TCTN3: variants seen among roughly 807,000 people sequenced by gnomAD.
TCTN3 encodes the protein tectonic family member 3, also known as tectonic-3.
TCTN3 carries 57 observed loss-of-function variants against 71.3 expected under a neutral mutation model. The observed-to-expected ratio is 0.80, with a 90% CI of 0.65 to 1.00. TCTN3 has a LOEUF of 1.00. Among genes scored for constraint, TCTN3 ranks in the 50% least tolerant of loss-of-function variants. The pLI is 0.00. For synonymous variants in TCTN3, 258 were observed against 267.8 expected (o/e 0.96, Z 0.36); for missense variants, 696 against 719.9 (o/e 0.97, Z 0.38).
chr10:95,673,456 A>C (rs2097933717), intron 13 of TCTN3, among the ~76,000 whole-genome samples: 1 of 152,208 alleles, frequency 6.6e-6, no homozygotes, highest in African/African-American at 2.4e-5. Flanking sequence ...AAATTTCAAT[A>C]GTTTTTGAGG....
intron 8 of TCTN3, 79 bp from the exon 9 acceptor site, chr10:95,684,703 A>C: frequency 6.6e-7 from 1 of 1,524,256 alleles, no homozygotes; most frequent in Non-Finnish European, 8.9e-7. Flanking sequence ...TTCTGTCTTC[A>C]AGGGTGTTAT....
At chr10:95,676,254 C>CTT (rs199882523) in intron 13 of TCTN3, among the ~76,000 whole-genome samples, 8 of 136,290 alleles carry the variant, frequency 5.9e-5, no homozygotes, top group African/African-American at 8.0e-5. Context: ...TAGAAAATAT[C>CTT]TTTTTTTTTT....
chr10:95,693,584 T>C, intron 1 of TCTN3, 60 bp downstream of exon 1: 2 of 1,546,758 alleles, frequency 1.3e-6, no homozygotes, highest in Middle Eastern at 1.7e-4. Context: ...CAGCTCAACT[T>C]TGCTCACAGA....
At chr10:95,689,510 T>C (rs1446468997) in intron 3 of TCTN3, among the ~76,000 whole-genome samples, 1 of 152,208 alleles carries the variant, frequency 6.6e-6, no homozygotes, top group African/African-American at 2.4e-5. Flanking sequence ...GTTATTTGTA[T>C]CTTTACACAT....
chr10:95,693,487 A>C lies in TCTN3; in HGVS notation c.257-11T>G, dbSNP rs1201207763. On this transcript the variant is annotated splice_polypyrimidine_tract_variant and intron_variant, in intron 1 of 13. Coordinates refer to ENST00000371217, the MANE Select transcript of TCTN3 (RefSeq NM_015631.6). ...CACAGATCGGTAAGACTATGAAAGT[A>C]CGACACAGAGTGAGTGGGATGAAGA... 5.2e-6 allele frequency: 8 copies of C among 1,552,218 alleles called. No individual in the cohort carries two copies. Among genetic ancestry groups the C allele is most frequent in the Non-Finnish European group, 5.2e-6 (6 of 1,147,100 alleles).
intron 6 of TCTN3, 22 bp from the exon 7 acceptor site, chr10:95,686,552 G>T (rs1228605173): frequency 6.2e-7 from 1 of 1,613,624 alleles, no homozygotes; most frequent in Non-Finnish European, 8.5e-7. Context: ...GCAGGGACAT[G>T]AATGTGCATA....
chr10:95,687,522 T>C, intron 4 of TCTN3, 70 bp downstream of exon 4: 1 of 1,595,220 alleles, frequency 6.3e-7, no homozygotes, highest in Admixed American at 1.7e-5. Context: ...GCTGCAAAGT[T>C]ACCTTGTCAG....
Position 95,692,980 on chromosome 10 carries a change from G to T in TCTN3, c.439C>A (p.Pro147Thr), listed in dbSNP as rs747795469. ...SVIFRSNSPFPSRVFMDSNGI... is the reference protein window; with the variant it reads ...SVIFRSNSPFTSRVFMDSNGI... ...TTAGAATCCATGAAAACTCTTGAAG[G>T]AAACGGGGAATTACTCCTGAAGATA... The change falls in exon 3 of 14, where the codon CCT becomes ACT. Residue 147 changes from proline to threonine, a missense_variant. Physicochemically the swap from Pro to Thr is conservative, Grantham distance 38 (BLOSUM62 -1). Transcript: ENST00000371217. 2 of 1,613,992 alleles carry T rather than the reference G, an allele frequency of 1.2e-6. No individual in the cohort carries two copies. Among genetic ancestry groups the T allele is most frequent in the Admixed American group, 1.7e-5 (1 of 60,004 alleles).
intron 12 of TCTN3, 121 bp from the exon 13 acceptor site, chr10:95,680,730 G>T: frequency 9.0e-7 from 1 of 1,113,828 alleles, no homozygotes; most frequent in South Asian, 1.6e-5. Context: ...ATGTAGCTTA[G>T]TGGAAGAACA....
intron 13 of TCTN3, among the ~76,000 whole-genome samples, chr10:95,670,645 A>C (rs2097930119): frequency 6.6e-6 from 1 of 151,556 alleles, no homozygotes; most frequent in Admixed American, 6.6e-5. Context: ...TGGAATTACA[A>C]GTATGAGCCA....
chr10:95,683,910 A>T (rs2139740702), intron 9 of TCTN3, among the ~76,000 whole-genome samples: 1 of 152,262 alleles, frequency 6.6e-6, no homozygotes, highest in African/African-American at 2.4e-5. Context: ...AATTACTAGC[A>T]ATTTAGCAAT....
intron 13 of TCTN3, among the ~76,000 whole-genome samples, chr10:95,666,738 T>C (rs964886538): frequency 1.3e-5 from 2 of 152,170 alleles, no homozygotes; most frequent in African/African-American, 4.8e-5. Flanking sequence ...TGAATCAATG[T>C]GTTATTCTAA....
In TCTN3 at chr10:95,692,985, G is replaced by A. The variant is rs1489817091; in HGVS notation, c.434C>T (p.Pro145Leu). 1.9e-6 allele frequency: 3 copies of A among 1,614,048 alleles called. No individual in the cohort carries two copies. Among genetic ancestry groups the A allele is most frequent in the Non-Finnish European group, 8.5e-7 (1 of 1,179,970 alleles). ...DNSVIFRSNS[P>L]FPSRVFMDSN... ...ATCCATGAAAACTCTTGAAGGAAAC[G>A]GGGAATTACTCCTGAAGATAACAGA... The change falls in exon 3 of 14, where the codon CCG (proline) becomes CTG (leucine). Residue 145 changes from proline (P) to leucine (L), a missense_variant. Coordinates refer to ENST00000371217, the MANE Select transcript of TCTN3 (RefSeq NM_015631.6).
intron 13 of TCTN3, among the ~76,000 whole-genome samples, chr10:95,675,168 C>T (rs1176101915): frequency 6.6e-6 from 1 of 152,224 alleles, no homozygotes; most frequent in Non-Finnish European, 1.5e-5. Flanking sequence ...TCTCGGCTCA[C>T]TGCAACCTCC....
chr10:95,683,390 A>G, intron 10 of TCTN3, 132 bp downstream of exon 10: 1 of 1,537,416 alleles, frequency 6.5e-7, no homozygotes, highest in South Asian at 1.2e-5. Context: ...GATTAACCAT[A>G]TATTAGTATA....
intron 13 of TCTN3, among the ~76,000 whole-genome samples, chr10:95,669,216 G>A (rs969373661): frequency 1.3e-5 from 2 of 152,172 alleles, no homozygotes; most frequent in African/African-American, 4.8e-5. Flanking sequence ...GGATAACTAA[G>A]TGTTCAACAG....
At chr10:95,691,971 C>T (rs1401622307) in intron 3 of TCTN3, among the ~76,000 whole-genome samples, 1 of 152,220 alleles carries the variant, frequency 6.6e-6, no homozygotes, top group Admixed American at 6.5e-5. Flanking sequence ...GCTCCTCCTA[C>T]ACTGTTGCCT....
intron 3 of TCTN3, among the ~76,000 whole-genome samples, chr10:95,692,196 T>G (rs888441467): frequency 6.6e-6 from 1 of 152,112 alleles, no homozygotes; most frequent in Admixed American, 6.5e-5. Context: ...TTCTGATCCA[T>G]AGCCAACAGA....
In TCTN3 at chr10:95,683,086, G is replaced by A. The variant is rs1255129867; in HGVS notation, c.1298+15C>T. 6.2e-7 allele frequency: 1 copy of A among 1,607,768 alleles called. No individual in the cohort carries two copies. The highest frequency in any genetic ancestry group is 2.2e-5 in the East Asian group (1 of 44,830). ...TCCCGAAATTGCAGGAAATGATGCG[G>A]AAGCAAAGAACTACCTGAGCTTGCA... On this transcript the variant is annotated intron_variant, in intron 11 of 13. Transcript: ENST00000371217.
Sources: gnomAD v4.1 joint callset for allele counts (sites outside exome capture counted in the v4.1 genomes callset) on GRCh38, gnomAD v4.1.1 for gene constraint, MANE v1.5 for transcripts, NCBI Gene and HGNC (gene_info 2026-07-23, HGNC 2026-07-21) for gene names.